MAEA: variants seen among roughly 807,000 people sequenced by gnomAD.
MAEA encodes macrophage erythroblast attacher, E3 ubiquitin ligase, also known as E3 ubiquitin-protein transferase MAEA.
A neutral mutation model predicts 46.2 loss-of-function variants in MAEA; 22 were observed. That is an observed-to-expected ratio of 0.48 (90% CI 0.34 to 0.68). The LOEUF (loss-of-function observed/expected upper bound fraction) is 0.68. MAEA is among the 30% of genes least tolerant of loss of function. The pLI, the probability that MAEA is intolerant of heterozygous loss-of-function variation, is 0.01. For missense variants in MAEA, 393 were observed against 558.1 expected (o/e 0.70, Z 2.98); for synonymous variants, 246 against 222.6 (o/e 1.11, Z -0.94).
rs145802409 is a variant in MAEA at position 1,303,008 on chromosome 4, C to T, written c.70-8971C>T. 3.9e-3 allele frequency among the ~76,000 whole-genome samples: 596 copies of T among 152,006 alleles called. 6 individuals are homozygous for T. The highest frequency in any genetic ancestry group is 0.014 in the African/African-American group (565 of 41,428). On this transcript the variant is annotated intron_variant, in intron 1 of 8. Coordinates refer to ENST00000303400, the MANE Select transcript of MAEA (RefSeq NM_001017405.3). ...CAGCCACCTCGGAAAACAACCTGGC[C>T]GTTCTTCAGGTGACACACGGAGTTA...
chr4:1,332,828 T>C lies in MAEA; in HGVS notation c.728T>C (p.Leu243Pro). Residue 243 changes from leucine to proline, a missense_variant, in exon 6 of 9, where the codon CTG becomes CCG. Leu to Pro is a moderately conservative substitution (Grantham distance 98, BLOSUM62 -3). Coordinates refer to ENST00000303400, the MANE Select transcript of MAEA (RefSeq NM_001017405.3). The stretch of plus-strand genomic sequence containing the variant: ...GAGGTGCGCCAGGCCATGGGCATGC[T>C]GGCCTTCCCGCCCGACACGCACATC... The part of the protein sequence containing the change: ...LDEVRQAMGM[L>P]AFPPDTHISP... The C allele has an allele frequency of 6.2e-7, 1 of 1,613,236 alleles. No homozygotes were observed. Among genetic ancestry groups the C allele is most frequent in the Non-Finnish European group, 8.5e-7 (1 of 1,179,796 alleles).
chr4:1,300,304 T>C (rs1735187888), intron 1 of MAEA, among the ~76,000 whole-genome samples: 1 of 152,206 alleles, frequency 6.6e-6, no homozygotes, highest in Non-Finnish European at 1.5e-5. Flanking sequence ...ATTGTTCTTT[T>C]TGTGTTTGAT....
At chr4:1,324,041 G>A (rs1373531189) in intron 4 of MAEA, among the ~76,000 whole-genome samples, 1 of 151,960 alleles carries the variant, frequency 6.6e-6, no homozygotes, top group Non-Finnish European at 1.5e-5. Context: ...GTTGAGATTG[G>A]ATGCCTGGTG....
chr4:1,319,318 A>G (rs1338952793), intron 3 of MAEA, among the ~76,000 whole-genome samples: 1 of 151,962 alleles, frequency 6.6e-6, no homozygotes, highest in Non-Finnish European at 1.5e-5. Context: ...GCACCACTGC[A>G]CTCCAGCCTG....
chr4:1,303,166 A>G (rs143364128), intron 1 of MAEA, among the ~76,000 whole-genome samples: 46 of 144,814 alleles, frequency 3.2e-4, no homozygotes, highest in African/African-American at 1.2e-3. Flanking sequence ...GGGCGGGTGG[A>G]TCATGAGCTC....
At chr4:1,321,875 T>TG (rs1738168686) in intron 3 of MAEA, among the ~76,000 whole-genome samples, 2 of 122,970 alleles carry the variant, frequency 1.6e-5, no homozygotes, top group Non-Finnish European at 3.1e-5. Context: ...TTTTTGTTGT[T>TG]TTTTTTTTTT....
At chr4:1,323,224 C>A (rs1389132870) in intron 4 of MAEA, among the ~76,000 whole-genome samples, 1 of 152,072 alleles carries the variant, frequency 6.6e-6, no homozygotes, top group East Asian at 1.9e-4. Flanking sequence ...GGATTACAGG[C>A]GTGAGCCACC....
intron 1 of MAEA, among the ~76,000 whole-genome samples, chr4:1,301,188 A>C (rs888959609): frequency 5.3e-5 from 8 of 152,260 alleles, no homozygotes; most frequent in Admixed American, 5.2e-4. Flanking sequence ...GCGTTTTGTC[A>C]GCAAATTCTG....
At chr4:1,292,828 C>T (rs535611525) in intron 1 of MAEA, among the ~76,000 whole-genome samples, 7 of 151,224 alleles carry the variant, frequency 4.6e-5, no homozygotes, top group African/African-American at 9.7e-5. Context: ...GAACGCCGTC[C>T]GGTGTAGGGT....
At chr4:1,314,423 A>G (rs1736880625) in intron 2 of MAEA, among the ~76,000 whole-genome samples, 1 of 152,256 alleles carries the variant, frequency 6.6e-6, no homozygotes, top group African/African-American at 2.4e-5. Flanking sequence ...ATAACAGTTT[A>G]ACAGTTAACA....
intron 1 of MAEA, among the ~76,000 whole-genome samples, chr4:1,305,828 C>G (rs1034649936): frequency 6.6e-6 from 1 of 152,162 alleles, no homozygotes; most frequent in African/African-American, 2.4e-5. Flanking sequence ...AGCTAAGTCC[C>G]GAGCCGGAGA....
chr4:1,317,367 C>T (rs1387453963), intron 3 of MAEA, among the ~76,000 whole-genome samples: 1 of 143,124 alleles, frequency 7.0e-6, no homozygotes. Flanking sequence ...ACACTCCGGA[C>T]TCATCTGCAG....
At position 1,339,222 on chromosome 4, in the gene MAEA, GC is replaced by G; in HGVS notation, c.*55del. 1 of 1,348,272 alleles carries G rather than the reference GC, an allele frequency of 7.4e-7. No homozygotes were observed. The highest frequency in any genetic ancestry group is 1.1e-6 in the Non-Finnish European group (1 of 938,520). 83.5% of individuals were successfully genotyped at this position (1,348,272 alleles called of 1,614,324 possible). ...GGGACGGGCTGCAGTGGGCGGGGAG[GC>G]CACGCCTTCCTCCTGTCCCACGCTC... On this transcript the variant is annotated 3_prime_UTR_variant, in exon 9 of 9. Coordinates refer to ENST00000303400, the MANE Select transcript of MAEA (RefSeq NM_001017405.3).
chr4:1,336,573 CAG>C (rs747401925), intron 6 of MAEA, among the ~76,000 whole-genome samples: 22 of 151,460 alleles, frequency 1.5e-4, no homozygotes, highest in South Asian at 8.4e-4. Context: ...GTGTTGAAAT[CAG>C]AGAGTTAAGT....
At chr4:1,338,891 A>T in intron 8 of MAEA, 183 bp from the exon 9 acceptor site, 1 of 666,968 alleles carries the variant, frequency 1.5e-6, no homozygotes. Context: ...TTCGAAATGG[A>T]TGAAGGGGTG....
At chr4:1,318,680 G>C (rs879642298) in intron 3 of MAEA, among the ~76,000 whole-genome samples, 2 of 152,196 alleles carry the variant, frequency 1.3e-5, no homozygotes, top group African/African-American at 2.4e-5. Flanking sequence ...GGAAGGTGCT[G>C]CTGTGGCCGA....
intron 1 of MAEA, among the ~76,000 whole-genome samples, chr4:1,310,826 CG>C (rs1360542774): frequency 6.6e-6 from 1 of 152,126 alleles, no homozygotes; most frequent in Non-Finnish European, 1.5e-5. Context: ...CCCCTGCTTT[CG>C]GGGGGAAAGT....
rs1044770133 is a variant in MAEA at position 1,339,945 on chromosome 4, G to A, written c.*776G>A. The A allele has an allele frequency of 6.5e-6, 1 of 152,674 alleles. No homozygotes were observed. Among genetic ancestry groups the A allele is most frequent in the African/African-American group, 2.4e-5 (1 of 41,468 alleles). 9.5% of individuals were successfully genotyped at this position (152,674 alleles called of 1,614,324 possible). ...GGTTCCATAACTGTAGAGTCTAATT[G>A]CTATCCATTACAGAAATTAATCGTT... On this transcript the variant is annotated 3_prime_UTR_variant, in exon 9 of 9. Coordinates refer to ENST00000303400, the MANE Select transcript of MAEA (RefSeq NM_001017405.3).
intron 5 of MAEA, 139 bp from the exon 6 acceptor site, chr4:1,332,618 C>A (rs1045847793): frequency 5.0e-6 from 3 of 601,596 alleles, no homozygotes; most frequent in Non-Finnish European, 6.0e-6. Flanking sequence ...TCGGGAAGAT[C>A]GCCTGAGCCT....
Sources: gnomAD v4.1 joint callset for allele counts (sites outside exome capture counted in the v4.1 genomes callset) on GRCh38, gnomAD v4.1.1 for gene constraint, MANE v1.5 for transcripts, NCBI Gene and HGNC (gene_info 2026-07-23, HGNC 2026-07-21) for gene names.